DCAF17: variants seen among roughly 807,000 people sequenced by gnomAD.
DCAF17 encodes DDB1- and CUL4-associated factor 17.
DCAF17 carries 48 observed loss-of-function variants against 66.0 expected under a neutral mutation model. The observed-to-expected ratio is 0.73, with a 90% CI of 0.58 to 0.92. DCAF17 has a LOEUF of 0.92. Ranked by LOEUF, DCAF17 falls within the 40% of genes least tolerant of loss-of-function variation. The pLI, the probability that DCAF17 is intolerant of heterozygous loss-of-function variation, is 0.00. For missense variants in DCAF17, 562 were observed against 622.8 expected (o/e 0.90, Z 1.04); for synonymous variants, 206 against 214.6 (o/e 0.96, Z 0.35).
chr2:171,483,541 C>T lies in DCAF17; in HGVS notation c.*2427C>T, dbSNP rs1319468256. ...ACTCTGGGAGAAAACAAAACAAATCCTATCCTATTTACTATTTGTGCTACC... is the reference window on the plus strand; with the variant it reads ...ACTCTGGGAGAAAACAAAACAAATCTTATCCTATTTACTATTTGTGCTACC... On this transcript the variant is annotated 3_prime_UTR_variant, in exon 14 of 14. Transcript: ENST00000375255. The T allele has an allele frequency of 2.2e-6, 1 of 454,088 alleles. No homozygotes were observed. The highest frequency in any genetic ancestry group is 2.0e-5 in the African/African-American group (1 of 50,120). 28.1% of individuals were successfully genotyped at this position (454,088 alleles called of 1,614,324 possible). A position where few individuals can be genotyped will look rare whatever the true frequency, so the allele number is the denominator to read the frequency against.
intron 8 of DCAF17, among the ~76,000 whole-genome samples, chr2:171,463,340 A>G (rs2105784434): frequency 6.6e-6 from 1 of 152,218 alleles, no homozygotes; most frequent in South Asian, 2.1e-4. Flanking sequence ...TGTGTATATA[A>G]AAATCTTCAT....
In DCAF17 at chr2:171,484,003, A is replaced by G. The variant is rs1046016532; in HGVS notation, c.*2889A>G. On this transcript the variant is annotated 3_prime_UTR_variant, in exon 14 of 14. Coordinates refer to ENST00000375255, the MANE Select transcript of DCAF17 (RefSeq NM_025000.4). ...GGAAAGTGCTTAATAATCGTTTTTT[A>G]CTGATGATTCAGTGTCTAAATTTTG... 6.6e-6 allele frequency: 3 copies of G among 453,740 alleles called. No homozygotes were observed. Among genetic ancestry groups the G allele is most frequent in the Admixed American group, 2.4e-5 (1 of 42,528 alleles). 28.1% of individuals were successfully genotyped at this position (453,740 alleles called of 1,614,324 possible).
chr2:171,443,758 T>G, intron 3 of DCAF17, 145 bp downstream of exon 3: 1 of 608,772 alleles, frequency 1.6e-6, no homozygotes, highest in Non-Finnish European at 2.8e-6. Flanking sequence ...AGAGTATATC[T>G]TTTATTTTCC....
chr2:171,481,731 C>T lies in DCAF17; in HGVS notation c.*617C>T. 2.2e-6 allele frequency: 1 copy of T among 453,772 alleles called. No individual in the cohort carries two copies. The highest frequency in any genetic ancestry group is 4.4e-6 in the Non-Finnish European group (1 of 226,684). 28.1% of individuals were successfully genotyped at this position (453,772 alleles called of 1,614,324 possible). A position where few individuals can be genotyped will look rare whatever the true frequency, so the allele number is the denominator to read the frequency against. ...TTATCTTTTCTTCCTTGGTTTTGTT[C>T]TCTTGGCTTGATGTTCACATTGAAT... On this transcript the variant is annotated 3_prime_UTR_variant, in exon 14 of 14. Transcript: ENST00000375255.
chr2:171,455,151 TCC>T (rs1695183017), intron 6 of DCAF17, among the ~76,000 whole-genome samples: 1 of 138,936 alleles, frequency 7.2e-6, no homozygotes, highest in Non-Finnish European at 1.6e-5. Context: ...CCCTCCACCC[TCC>T]GATAGGCCCG....
rs546120602 is a variant in DCAF17, at chr2:171,434,301, T to C, written c.-277T>C. ...AGAGCGGCTCCGGCCGGCCGCGCGG[T>C]ACCGGAGCGTCGCACTGTCAGCGGC... On this transcript the variant is annotated 5_prime_UTR_variant, in exon 1 of 14. Coordinates refer to ENST00000375255, the MANE Select transcript of DCAF17 (RefSeq NM_025000.4). The C allele has an allele frequency of 9.9e-6, 6 of 607,626 alleles. No individual in the cohort carries two copies. The highest frequency in any genetic ancestry group is 7.6e-5 in the South Asian group (5 of 65,882). 37.6% of individuals were successfully genotyped at this position (607,626 alleles called of 1,614,324 possible). A position where few individuals can be genotyped will look rare whatever the true frequency, so the allele number is the denominator to read the frequency against.
chr2:171,434,785 C>T (rs1424391559), intron 1 of DCAF17, 82 bp downstream of exon 1: 3 of 1,387,730 alleles, frequency 2.2e-6, no homozygotes, highest in Admixed American at 7.3e-5. Flanking sequence ...GGTTTTAACG[C>T]GCTGGGGCCT....
chr2:171,446,542 T>C (rs1694635605), intron 3 of DCAF17, among the ~76,000 whole-genome samples: 1 of 150,668 alleles, frequency 6.6e-6, no homozygotes, highest in Non-Finnish European at 1.5e-5. Flanking sequence ...CAAGACTCTG[T>C]CTCAAAAGAA....
rs1291566860 is a variant in DCAF17, at chr2:171,484,915, A to T, written c.*3801A>T. ...ATGTTGTTGCATGTGTCAGTGATTCATTTCTTTTTATTGCTGAGTATTCTT... is the reference window on the plus strand; with the variant it reads ...ATGTTGTTGCATGTGTCAGTGATTCTTTTCTTTTTATTGCTGAGTATTCTT... On this transcript the variant is annotated 3_prime_UTR_variant, in exon 14 of 14. Transcript: ENST00000375255. 1 of 453,742 alleles carries T rather than the reference A, an allele frequency of 2.2e-6. No individual in the cohort carries two copies. Among genetic ancestry groups the T allele is most frequent in the Non-Finnish European group, 4.4e-6 (1 of 226,736 alleles). The allele number at this position is 453,742 out of a possible 1,614,324, so 28.1% of individuals were successfully genotyped here. A position where few individuals can be genotyped will look rare whatever the true frequency, so the allele number is the denominator to read the frequency against.
Position 171,481,756 on chromosome 2 carries a change from T to A in DCAF17, c.*642T>A. The A allele has an allele frequency of 2.2e-6, 1 of 453,678 alleles. No individual in the cohort carries two copies. The highest frequency in any genetic ancestry group is 4.4e-6 in the Non-Finnish European group (1 of 226,668). The allele number at this position is 453,678 out of a possible 1,614,324, so 28.1% of individuals were successfully genotyped here. ...CTCTTGGCTTGATGTTCACATTGAATATTTGTGTTTCTATATAGGCTAATG... is the reference window on the plus strand; with the variant it reads ...CTCTTGGCTTGATGTTCACATTGAAAATTTGTGTTTCTATATAGGCTAATG... On this transcript the variant is annotated 3_prime_UTR_variant, in exon 14 of 14. Transcript: ENST00000375255.
chr2:171,468,064 G>A (rs145303166), intron 8 of DCAF17, among the ~76,000 whole-genome samples: 7 of 152,106 alleles, frequency 4.6e-5, no homozygotes, highest in African/African-American at 1.4e-4. Context: ...TTTCCTAAAG[G>A]CTGCTTGAAA....
In DCAF17 at chr2:171,457,934, T is replaced by G. The variant is rs73022941; in HGVS notation, c.628-37T>G. 5,121 of 1,505,518 alleles carry G rather than the reference T, an allele frequency of 3.4e-3. 120 individuals are homozygous for G. The African/African-American group carries it at 0.054, about 16-fold the overall frequency. The allele number at this position is 1,505,518 out of a possible 1,614,324, so 93.3% of individuals were successfully genotyped here. A position where few individuals can be genotyped will look rare whatever the true frequency, so the allele number is the denominator to read the frequency against. ...AACATTCAGAGGATTGGACTTCCAG[T>G]CTTTTCTCAGGTGATATCTGTCTTT... On this transcript the variant is annotated intron_variant, in intron 6 of 13. Transcript: ENST00000375255.
intron 13 of DCAF17, 121 bp from the exon 14 acceptor site, chr2:171,480,853 C>A: frequency 8.1e-7 from 1 of 1,236,548 alleles, no homozygotes; most frequent in African/African-American, 1.5e-5. Flanking sequence ...CTCTTTCTAG[C>A]AACTATTTTC....
chr2:171,449,889 T>C lies in DCAF17; in HGVS notation c.469T>C (p.Trp157Arg). ...APYCKFRYLS[W>R]DTPQEVIAVK... ...TCATTCTTTTAAAAGATACTTGAGC[T>C]GGGACACTCCTCAAGAAGTCATTGC... Residue 157 changes from tryptophan (W) to arginine (R), a missense_variant, in exon 5 of 14, where the codon TGG becomes CGG. By Grantham distance (101) the Trp-to-Arg change is moderately radical (BLOSUM62 -3). Around this residue, in one of 3 missense-constraint regions of DCAF17, gnomAD observed 348 missense variants for 355.9 expected, o/e 0.98. Transcript: ENST00000375255. The C allele has an allele frequency of 1.9e-6, 3 of 1,613,508 alleles. No individual in the cohort carries two copies. Among genetic ancestry groups the C allele is most frequent in the Non-Finnish European group, 2.5e-6 (3 of 1,179,542 alleles).
intron 2 of DCAF17, among the ~76,000 whole-genome samples, chr2:171,442,383 C>A (rs1197235727): frequency 6.6e-6 from 1 of 150,860 alleles, no homozygotes; most frequent in Non-Finnish European, 1.5e-5. Flanking sequence ...ATGGTGAAAC[C>A]CTGTCTCTAC....
intron 8 of DCAF17, among the ~76,000 whole-genome samples, chr2:171,459,025 A>G (rs929442232): frequency 2.0e-5 from 3 of 152,308 alleles, no homozygotes; most frequent in Non-Finnish European, 2.9e-5. Context: ...AAAGAAATCA[A>G]CTGGCCAGGC....
At chr2:171,442,285 G>A (rs568119132) in intron 2 of DCAF17, among the ~76,000 whole-genome samples, 7 of 152,278 alleles carry the variant, frequency 4.6e-5, no homozygotes, top group African/African-American at 7.2e-5. Flanking sequence ...GGGGCTGGGC[G>A]CAGTGGCTCA....
intron 6 of DCAF17, among the ~76,000 whole-genome samples, chr2:171,455,355 C>T (rs946472854): frequency 6.6e-6 from 1 of 152,206 alleles, no homozygotes; most frequent in Non-Finnish European, 1.5e-5. Context: ...TTTGTGGCTG[C>T]ATAGTATTCC....
At chr2:171,446,535 G>A (rs571424135) in intron 3 of DCAF17, among the ~76,000 whole-genome samples, 1 of 150,834 alleles carries the variant, frequency 6.6e-6, no homozygotes, top group African/African-American at 2.4e-5. Context: ...GACAGAGCAA[G>A]ACTCTGTCTC....
Sources: allele counts gnomAD v4.1 joint callset (sites outside exome capture counted in the v4.1 genomes callset), GRCh38; gene constraint gnomAD v4.1.1; regional missense constraint gnomAD v4.1.1; transcripts MANE v1.5; gene names NCBI Gene and HGNC (gene_info 2026-07-23, HGNC 2026-07-21).